The following NR2C2 variants were observed in gnomAD, a reference collection of about 807,000 sequenced individuals.
NR2C2 encodes Nuclear hormone receptor TR4.
In NR2C2, 6 loss-of-function variants were observed where a neutral mutation model predicts 62.9. That is an observed-to-expected ratio of 0.10 (90% confidence interval 0.05 to 0.19). NR2C2 has a LOEUF of 0.19. NR2C2 is among the 10% of genes least tolerant of loss of function. The pLI, the probability that NR2C2 is intolerant of heterozygous loss-of-function variation, is 1.00. For missense variants in NR2C2, 479 were observed against 762.7 expected, an observed-to-expected ratio of 0.63 and a Z score of 4.38; for synonymous variants, 272 against 273.8, an observed-to-expected ratio of 0.99 and a Z score of 0.07.
intron 7 of NR2C2, chr3:15,026,569 T>G (rs571342367): frequency 6.6e-6 from 1 of 152,318 alleles, no homozygotes; most frequent in African/African-American, 2.4e-5. Flanking sequence ...CTCTGTACAT[T>G]TCATATAAAG....
At chr3:14,983,825 C>CTT (rs1297104793) in intron 1 of NR2C2, among the ~76,000 whole-genome samples, 1 of 152,050 alleles carries the variant, frequency 6.6e-6, no homozygotes, top group African/African-American at 2.4e-5. Flanking sequence ...TTCATTTTGT[C>CTT]TGAGTTTTCA....
chr3:14,965,381 GA>G (rs1188639995), intron 1 of NR2C2, among the ~76,000 whole-genome samples: 2 of 151,836 alleles, frequency 1.3e-5, no homozygotes, highest in Non-Finnish European at 2.9e-5. Flanking sequence ...AATTCTTTAG[GA>G]AAGAGGTTAA....
intron 1 of NR2C2, among the ~76,000 whole-genome samples, chr3:14,957,732 A>G (rs998399128): frequency 5.3e-5 from 8 of 152,032 alleles, no homozygotes; most frequent in East Asian, 1.9e-4. Flanking sequence ...AGACTTTACT[A>G]TTGCTACCAC....
At chr3:14,977,101 A>G (rs983043859) in intron 1 of NR2C2, among the ~76,000 whole-genome samples, 6 of 152,152 alleles carry the variant, frequency 3.9e-5, no homozygotes, top group African/African-American at 1.4e-4. Context: ...CAGAACAACT[A>G]ATTAGTTGGA....
chr3:15,038,777 T>A, intron 12 of NR2C2: 1 of 197,846 alleles, frequency 5.1e-6, no homozygotes, highest in African/African-American at 2.3e-5. Flanking sequence ...GGACAAATTA[T>A]ATAATTATTT....
chr3:15,010,332 G>A (rs2041313776), intron 2 of NR2C2, among the ~76,000 whole-genome samples: 1 of 151,086 alleles, frequency 6.6e-6, no homozygotes, highest in Non-Finnish European at 1.5e-5. Context: ...GGAGGATACG[G>A]ATGTCTTAGG....
intron 1 of NR2C2, among the ~76,000 whole-genome samples, chr3:14,965,439 C>G (rs1415980630): frequency 7.1e-6 from 1 of 141,210 alleles, no homozygotes; most frequent in African/African-American, 2.6e-5. Context: ...AGTTTGCTAG[C>G]TAAAATTTTC....
chr3:15,033,510 A>C (rs1443504593), intron 10 of NR2C2, among the ~76,000 whole-genome samples: 2 of 152,158 alleles, frequency 1.3e-5, no homozygotes, highest in African/African-American at 4.8e-5. Flanking sequence ...AGGCAGTCAG[A>C]ATTGTCCCAT....
Position 15,024,156 on chromosome 3 carries a change from A to G in NR2C2, c.746A>G (p.Gln249Arg), listed in dbSNP as rs2041756324. Residue 249 changes from glutamine (Q) to arginine (R), a missense_variant, in exon 7 of 14, where the codon CAG becomes CGG. By Grantham distance (43) the Gln-to-Arg change is conservative. Transcript: ENST00000425241. ...GATCCAGGGATGCTTGTGAACATCC[A>G]GCAGCCTTTGATACGTGAGGATGGT... ...LLDPGMLVNI[Q>R]QPLIREDGTV... 3.7e-6 allele frequency: 6 copies of G among 1,613,128 alleles called. No individual in the cohort carries two copies. Among genetic ancestry groups the G allele is most frequent in the Non-Finnish European group, 4.2e-6 (5 of 1,179,572 alleles).
chr3:15,037,847 C>T (rs1472817503), intron 11 of NR2C2, among the ~76,000 whole-genome samples, 153 bp from the exon 12 acceptor site: 3 of 152,204 alleles, frequency 2.0e-5, no homozygotes, highest in Non-Finnish European at 1.5e-5. Flanking sequence ...ACTTCATCTG[C>T]AGCTGGAAAA....
rs35542411 is a variant in NR2C2, at chr3:15,003,971, A to T, written c.57A>T (p.Ser19=). ...QIISTDSAVA[S]PQRIQIVTDQ... is the part of the protein sequence containing the mutation. ...TCTCCACCGACTCTGCTGTAGCCTC[A>T]CCTCAGCGCATTCAGGTACCTGCAA... The change falls in exon 2 of 14, where the codon TCA becomes TCT. Residue 19 remains serine (S), a synonymous_variant. Transcript: ENST00000425241. The T allele has an allele frequency of 1.1e-3, 1,795 of 1,609,628 alleles. 24 individuals carry two copies. The African/African-American group carries it at 0.022, about 19-fold the overall frequency.
At chr3:15,026,373 G>C (rs1248271850) in intron 7 of NR2C2, 2 of 152,092 alleles carry the variant, frequency 1.3e-5, no homozygotes, top group Non-Finnish European at 2.9e-5. Context: ...CACCCTTTTA[G>C]TGTATAATGT....
At chr3:15,002,645 CTTTTTTTTT>C (rs371981775) in intron 1 of NR2C2, among the ~76,000 whole-genome samples, 4 of 39,510 alleles carry the variant, frequency 1.0e-4, no homozygotes, top group East Asian at 1.2e-3. Flanking sequence ...TCACAATATA[CTTTTTTTTT>C]TTTTTTTTTT....
chr3:15,035,173 G>T (rs570490503), intron 11 of NR2C2, among the ~76,000 whole-genome samples: 19 of 152,244 alleles, frequency 1.2e-4, no homozygotes, highest in Non-Finnish European at 2.1e-4. Context: ...TCTGCCTGTA[G>T]TCCCAGATAC....
At chr3:14,963,449 G>A (rs1378904056) in intron 1 of NR2C2, among the ~76,000 whole-genome samples, 1 of 152,070 alleles carries the variant, frequency 6.6e-6, no homozygotes, top group African/African-American at 2.4e-5. Flanking sequence ...GAGCCAAAAG[G>A]TTGAGATTCG....
rs368258126 is a variant in NR2C2 at position 15,023,860 on chromosome 3, G to A, written c.705-255G>A. Among the ~76,000 whole-genome samples the A allele has an allele frequency of 2.2e-4, 34 of 152,286 alleles. No homozygotes were observed. In the East Asian group the frequency reaches 6.4e-3, roughly 29 times the overall value. ...TTTCTAGGCAGAATGGCCACAGTCT[G>A]CAGTCATCCTGGAAAGCCCTGGGGG... On this transcript the variant is annotated intron_variant, in intron 6 of 13. Transcript: ENST00000425241.
intron 1 of NR2C2, among the ~76,000 whole-genome samples, chr3:14,953,055 G>A (rs1217218766): frequency 6.6e-6 from 1 of 152,190 alleles, no homozygotes; most frequent in Non-Finnish European, 1.5e-5. Context: ...AGAATAGAAG[G>A]ATGGGAGGTG....
intron 1 of NR2C2, among the ~76,000 whole-genome samples, chr3:14,989,698 T>C (rs2040612095): frequency 6.6e-6 from 1 of 151,704 alleles, no homozygotes; most frequent in Non-Finnish European, 1.5e-5. Flanking sequence ...TTTGGGAAGC[T>C]GAGGGAGGCA....
intron 11 of NR2C2, among the ~76,000 whole-genome samples, chr3:15,037,236 TG>T (rs1345297748): frequency 5.9e-5 from 9 of 151,942 alleles, no homozygotes; most frequent in Non-Finnish European, 1.2e-4. Context: ...TGTGTGTGTG[TG>T]TGTTTTTGTT....
Sources: allele counts gnomAD v4.1 joint callset (sites outside exome capture counted in the v4.1 genomes callset), GRCh38; gene constraint gnomAD v4.1.1; transcripts MANE v1.5; gene names NCBI Gene and HGNC (gene_info 2026-07-23, HGNC 2026-07-21).